RIN1: variants seen among roughly 807,000 people sequenced by gnomAD.
RIN1 encodes ras inhibitor 1.
Under a neutral mutation model 64.9 loss-of-function variants are expected in RIN1, and 52 were observed. The ratio of observed to expected loss-of-function variants is 0.80; its 90% CI spans 0.64 to 1.01. The LOEUF (loss-of-function observed/expected upper bound fraction) is 1.01. Among genes scored for constraint, RIN1 ranks in the 50% least tolerant of loss-of-function variants. RIN1 has a pLI of 0.00. For missense variants in RIN1, 1,040 were observed against 1,064.5 expected, an observed-to-expected ratio of 0.98 and a Z score of 0.32; for synonymous variants, 486 against 483.6, an observed-to-expected ratio of 1.00 and a Z score of -0.06.
At chr11:66,332,915 G>T in intron 9 of RIN1, 163 bp from the exon 10 acceptor site, 1 of 643,814 alleles carries the variant, frequency 1.6e-6, no homozygotes, top group Non-Finnish European at 2.6e-6. Flanking sequence ...CCAGGGGTCG[G>T]CTTGTGGGCC....
At chr11:66,336,271 G>C (rs768293889) in intron 1 of RIN1, 46 bp downstream of exon 1, 2 of 1,553,194 alleles carry the variant, frequency 1.3e-6, no homozygotes, top group Non-Finnish European at 1.7e-6. Flanking sequence ...CCCTCCTCTC[G>C]CAGCCCCTCC....
rs1854733086 is a variant in RIN1 at position 66,331,410 on chromosome 11, A to G, written c.*866T>C. Reference sequence around the variant, plus strand: ...AGCATGGTTTCTGAGCCCCCTCTCCATTCTGGAAGCTTATCTGCCAGCTGG... The same window carrying G: ...AGCATGGTTTCTGAGCCCCCTCTCCGTTCTGGAAGCTTATCTGCCAGCTGG... On this transcript the variant is annotated 3_prime_UTR_variant, in exon 10 of 10. Transcript: ENST00000311320. The G allele has an allele frequency of 6.6e-6, 1 of 152,206 alleles. No homozygotes were observed. Among genetic ancestry groups the G allele is most frequent in the Non-Finnish European group, 1.5e-5 (1 of 68,060 alleles). 9.4% of individuals were successfully genotyped at this position (152,206 alleles called of 1,614,324 possible).
Position 66,334,200 on chromosome 11 carries a change from T to G in RIN1, c.1310A>C (p.His437Pro), listed in dbSNP as rs533787975. The change falls in exon 7 of 10, where the codon CAT becomes CCT. Residue 437 changes from histidine to proline, a missense_variant. Physicochemically the swap from His to Pro is moderately conservative, Grantham distance 77. Coordinates refer to ENST00000311320, the MANE Select transcript of RIN1 (RefSeq NM_004292.3). Reference sequence around the variant, plus strand: ...CCGGAGAGGCTTGAGCACAGAGCAATGCAATGACTTCTCCAGGACATGTTC... The same window carrying G: ...CCGGAGAGGCTTGAGCACAGAGCAAGGCAATGACTTCTCCAGGACATGTTC... ...RLEHVLEKSL[H>P]CSVLKPLRPI... The G allele has an allele frequency of 4.1e-6, 6 of 1,478,658 alleles. No individual in the cohort carries two copies. In the East Asian group the frequency reaches 1.4e-4, roughly 36 times the overall value. 91.6% of individuals were successfully genotyped at this position (1,478,658 alleles called of 1,614,324 possible).
At chr11:66,336,499 C>A, upstream of RIN1, 2 of 1,023,028 alleles carry the variant, frequency 2.0e-6, no homozygotes, top group South Asian at 3.0e-5. Context: ...GTCCGCCTGT[C>A]ACACCCGCCA....
chr11:66,335,091 G>A lies in RIN1; in HGVS notation c.708C>T (p.Thr236=). The A allele has an allele frequency of 6.5e-7, 1 of 1,528,550 alleles. No individual in the cohort carries two copies. The highest frequency in any genetic ancestry group is 8.8e-7 in the Non-Finnish European group (1 of 1,140,188). 94.7% of individuals were successfully genotyped at this position (1,528,550 alleles called of 1,614,324 possible). A position where few individuals can be genotyped will look rare whatever the true frequency, so the allele number is the denominator to read the frequency against. ...NPLFPGDLGP[T]KREKFKRSFK... Reference sequence around the variant, plus strand: ...AGCTTCTCTTGAATTTCTCCCGCTTGGTGGGCCCTAGGTCCCCCGGGAACA... The same window carrying A: ...AGCTTCTCTTGAATTTCTCCCGCTTAGTGGGCCCTAGGTCCCCCGGGAACA... The change falls in exon 6 of 10, where the codon ACC becomes ACT. Residue 236 remains threonine (T), a synonymous_variant. Transcript: ENST00000311320.
At position 66,330,977 on chromosome 11, in the gene RIN1, C is replaced by T. The variant is rs968377948; in HGVS notation, c.*1299G>A. 1 of 152,282 alleles carries T rather than the reference C, an allele frequency of 6.6e-6. No homozygotes were observed. Among genetic ancestry groups the T allele is most frequent in the Non-Finnish European group, 1.5e-5 (1 of 68,090 alleles). 9.4% of individuals were successfully genotyped at this position (152,282 alleles called of 1,614,324 possible). On this transcript the variant is annotated 3_prime_UTR_variant, in exon 10 of 10. Transcript: ENST00000311320. ...TACCCAGACCCCAGAATCTAAGGGA[C>T]CTGGGGGCCAGTGGCCTTGGCCCCT... is the stretch of plus-strand genomic sequence containing the variant.
intron 6 of RIN1, 38 bp from the exon 7 acceptor site, chr11:66,334,262 G>A: frequency 7.2e-7 from 1 of 1,394,348 alleles, no homozygotes; most frequent in Non-Finnish European, 9.4e-7. Context: ...GGAAGACTGG[G>A]GGTATGGGGG....
At chr11:66,333,438 C>G in intron 8 of RIN1, 29 bp from the exon 9 acceptor site, 2 of 1,604,270 alleles carry the variant, frequency 1.2e-6, no homozygotes, top group Non-Finnish European at 1.7e-6. Flanking sequence ...GAACACGGCT[C>G]AGGCTGGGTG....
At chr11:66,336,582 G>A, upstream of RIN1, 1 of 612,308 alleles carries the variant, frequency 1.6e-6, no homozygotes, top group Non-Finnish European at 2.9e-6. Flanking sequence ...TTGGGGGTCA[G>A]GGGTCCCCTC....
In RIN1 at chr11:66,336,005, C is replaced by T; in HGVS notation, c.240G>A (p.Leu80=). ...LQLQANAAAA[L]HMLRTEPPGT... ...CCGGGGGCTCGGTCCTCAGCATGTG[C>T]AGTGCGGCCGCTGCGTTGGCTTGCA... The change falls in exon 2 of 10, where the codon CTG becomes CTA. Residue 80 remains leucine (L), a synonymous_variant. Transcript: ENST00000311320. 6.1e-6 allele frequency: 9 copies of T among 1,471,754 alleles called. No individual in the cohort carries two copies. Among genetic ancestry groups the T allele is most frequent in the Non-Finnish European group, 8.1e-6 (9 of 1,110,718 alleles). 91.2% of individuals were successfully genotyped at this position (1,471,754 alleles called of 1,614,324 possible). A position where few individuals can be genotyped will look rare whatever the true frequency, so the allele number is the denominator to read the frequency against.
rs1473835629 is a variant in RIN1, at chr11:66,334,628, G to A, written c.1171C>T (p.Arg391Trp). ...AGCTCCTGGGGCTCGGGCCCAGCCCGCACCTGGGTCAGTAGGTCCTGCACC... is the reference window on the plus strand; with the variant it reads ...AGCTCCTGGGGCTCGGGCCCAGCCCACACCTGGGTCAGTAGGTCCTGCACC... ...QLVQDLLTQV[R>W]AGPEPQELQG... The change falls in exon 6 of 10, where the codon CGG becomes TGG. Residue 391 changes from arginine to tryptophan, a missense_variant. Transcript: ENST00000311320. 3.8e-6 allele frequency: 6 copies of A among 1,576,714 alleles called. No individual in the cohort carries two copies. Among genetic ancestry groups the A allele is most frequent in the East Asian group, 2.3e-5 (1 of 43,088 alleles).
At position 66,334,063 on chromosome 11, in the gene RIN1, G is replaced by T. The variant is rs1854807021; in HGVS notation, c.1447C>A (p.His483Asn). 6.4e-7 allele frequency: 1 copy of T among 1,572,476 alleles called. No homozygotes were observed. The highest frequency in any genetic ancestry group is 2.3e-5 in the East Asian group (1 of 43,400). The part of the protein sequence containing the change: ...RAQGPGAFGS[H>N]LSLPSPVELE... Reference sequence around the variant, plus strand: ...TCTACTGGGGAGGGCAGGCTCAGGTGGGACCCGAAGGCTCCGGGGCCCTGG... The same window carrying T: ...TCTACTGGGGAGGGCAGGCTCAGGTTGGACCCGAAGGCTCCGGGGCCCTGG... The change falls in exon 7 of 10, where the codon CAC (histidine) becomes AAC (asparagine). Residue 483 changes from histidine (H) to asparagine (N), a missense_variant. By Grantham distance (68) the His-to-Asn change is moderately conservative. Coordinates refer to ENST00000311320, the MANE Select transcript of RIN1 (RefSeq NM_004292.3).
chr11:66,335,186 G>A lies in RIN1; in HGVS notation c.613C>T (p.Gln205Ter), dbSNP rs1370171161. 6.4e-7 allele frequency: 1 copy of A among 1,559,660 alleles called. No homozygotes were observed. The highest frequency in any genetic ancestry group is 8.6e-7 in the Non-Finnish European group (1 of 1,163,136). Reference sequence around the variant, plus strand: ...TCTTGAGGGGACCGGGCCTTCAGCTGGGGCAACACTGGGCCTCCAGCCGGG... The same window carrying A: ...TCTTGAGGGGACCGGGCCTTCAGCTAGGGCAACACTGGGCCTCCAGCCGGG... ...RGPAGGPVLP[Q>*]LKARSPQELD... Residue 205 changes from glutamine (Q) to a stop codon, truncating the protein, a stop_gained, in exon 6 of 10, where the codon CAG (glutamine) becomes TAG (stop). Transcript: ENST00000311320. LOFTEE classifies it high-confidence loss of function.
chr11:66,333,654 C>T lies in RIN1; in HGVS notation c.1596G>A (p.Glu532=), dbSNP rs771452146. The part of the protein sequence containing the change: ...LYMALRTQEG[E]GAGADEFLPL... ...GCAGGAACTCGTCGGCACCCGCGCC[C>T]TCCCCTGTGGGGACATGGTGAGAGG... The change falls in exon 8 of 10, where the codon GAG becomes GAA. Residue 532 remains glutamate (E), a synonymous_variant. Coordinates refer to ENST00000311320, the MANE Select transcript of RIN1 (RefSeq NM_004292.3). 19 of 1,611,378 alleles carry T rather than the reference C, an allele frequency of 1.2e-5. No homozygotes were observed. Among genetic ancestry groups the T allele is most frequent in the South Asian group, 3.3e-5 (3 of 90,970 alleles).
chr11:66,332,582 G>C lies in RIN1; in HGVS notation c.2046C>G (p.His682Gln). 6.2e-7 allele frequency: 1 copy of C among 1,611,472 alleles called. No homozygotes were observed. Among genetic ancestry groups the C allele is most frequent in the Non-Finnish European group, 8.5e-7 (1 of 1,178,356 alleles). Residue 682 changes from histidine to glutamine, a missense_variant, in exon 10 of 10, where the codon CAC becomes CAG. His to Gln is a conservative substitution (Grantham distance 24). Coordinates refer to ENST00000311320, the MANE Select transcript of RIN1 (RefSeq NM_004292.3). ...GLFLYKEQGY[H>Q]RLPPGALAHR... Reference sequence around the variant, plus strand: ...GGGCCAGGGCCCCAGGGGGCAGGCGGTGGTAGCCCTGCTCCTTGTACAGGA... The same window carrying C: ...GGGCCAGGGCCCCAGGGGGCAGGCGCTGGTAGCCCTGCTCCTTGTACAGGA...
chr11:66,336,603 C>T (rs1453644172), upstream of RIN1: 1 of 559,714 alleles, frequency 1.8e-6, no homozygotes, highest in Non-Finnish European at 3.2e-6. Context: ...CATGCTAGCC[C>T]TGCTCTGAGG....
intron 1 of RIN1, 72 bp from the exon 2 acceptor site, chr11:66,336,230 G>C: frequency 1.3e-6 from 2 of 1,504,370 alleles, no homozygotes; most frequent in South Asian, 1.3e-5. Context: ...CCCCACTCCC[G>C]GGTTTCCCAC....
chr11:66,333,096 C>G lies in RIN1; in HGVS notation c.1875+162G>C, dbSNP rs372092566. ...CATTTTACTGATGAGAAAACTGAGGCACGAAGTAGTTAAGTAACTCGCCCA... is the reference window on the plus strand; with the variant it reads ...CATTTTACTGATGAGAAAACTGAGGGACGAAGTAGTTAAGTAACTCGCCCA... On this transcript the variant is annotated intron_variant, in intron 9 of 9. Coordinates refer to ENST00000311320, the MANE Select transcript of RIN1 (RefSeq NM_004292.3). 13 of 802,134 alleles carry G rather than the reference C, an allele frequency of 1.6e-5. No homozygotes were observed. The African/African-American group carries it at 2.0e-4, about 13-fold the overall frequency. 49.7% of individuals were successfully genotyped at this position (802,134 alleles called of 1,614,324 possible). A position where few individuals can be genotyped will look rare whatever the true frequency, so the allele number is the denominator to read the frequency against.
rs1436266265 is a variant in RIN1, at chr11:66,334,923, T to C, written c.876A>G (p.Ser292=). ...PPCQLLRRES[S]VGYRVPAGSG... is the part of the protein sequence containing the mutation. ...TGCCTGCTGGCACGCGGTACCCCAC[T>C]GAGCTCTCCCTCCGTAGCAGCTGGC... is the stretch of plus-strand genomic sequence containing the variant. The change falls in exon 6 of 10, where the codon TCA becomes TCG. Residue 292 remains serine, a synonymous_variant. Transcript: ENST00000311320. The C allele has an allele frequency of 6.3e-7, 1 of 1,587,166 alleles. No individual in the cohort carries two copies. Among genetic ancestry groups the C allele is most frequent in the African/African-American group, 1.3e-5 (1 of 74,442 alleles).
Sources: gnomAD v4.1 joint callset for allele counts on GRCh38, gnomAD v4.1.1 for gene constraint, MANE v1.5 for transcripts, NCBI Gene and HGNC (gene_info 2026-07-23, HGNC 2026-07-21) for gene names.